The following PCDHA11 variants were observed in gnomAD, a reference collection of about 807,000 sequenced individuals.
The protein encoded by PCDHA11 is protocadherin alpha 11.
In PCDHA11, 61 loss-of-function variants were observed where a neutral mutation model predicts 70.3. The ratio of observed to expected loss-of-function variants is 0.87; its 90% CI spans 0.71 to 1.07. PCDHA11 has a LOEUF of 1.07. Ranked by LOEUF, PCDHA11 falls within the 50% of genes least tolerant of loss-of-function variation. PCDHA11 has a pLI of 0.00. For missense variants in PCDHA11, 1,324 were observed against 1,237.5 expected (o/e 1.07, Z -1.05); for synonymous variants, 633 against 555.1 (o/e 1.14, Z -1.97).
intron 1 of PCDHA11, among the ~76,000 whole-genome samples, chr5:140,871,887 G>T (rs1294459270): frequency 6.6e-6 from 1 of 152,170 alleles, no homozygotes; most frequent in Non-Finnish European, 1.5e-5. Flanking sequence ...GCTCCTCTTT[G>T]TCTTTTAGCA....
At chr5:140,917,287 G>A (rs190210744) in intron 1 of PCDHA11, among the ~76,000 whole-genome samples, 51 of 147,686 alleles carry the variant, frequency 3.5e-4, no homozygotes, top group Admixed American at 7.7e-4. Flanking sequence ...ACGCTTTTCC[G>A]TGTGCAGATA....
intron 1 of PCDHA11, among the ~76,000 whole-genome samples, chr5:140,913,572 TCAAA>T (rs150264547): frequency 6.6e-6 from 1 of 152,264 alleles, no homozygotes; most frequent in East Asian, 1.9e-4. Context: ...TTTCATCATT[TCAAA>T]TATATTTCTG....
At chr5:140,931,547 T>C (rs2087587732) in intron 1 of PCDHA11, among the ~76,000 whole-genome samples, 1 of 152,064 alleles carries the variant, frequency 6.6e-6, no homozygotes, top group Admixed American at 6.5e-5. Flanking sequence ...ACTGTTCATA[T>C]GTGCAGGAAT....
At chr5:141,000,210 A>G (rs1475631796) in intron 3 of PCDHA11, among the ~76,000 whole-genome samples, 3 of 151,622 alleles carry the variant, frequency 2.0e-5, no homozygotes, top group Non-Finnish European at 2.9e-5. Context: ...CACCTTCATT[A>G]TCAAATGCCT....
intron 1 of PCDHA11, among the ~76,000 whole-genome samples, chr5:140,915,168 C>T (rs181934284): frequency 6.0e-4 from 92 of 152,112 alleles, no homozygotes; most frequent in Middle Eastern, 3.4e-3. Context: ...AGGATAGTCT[C>T]GATCTCTTGA....
intron 1 of PCDHA11, among the ~76,000 whole-genome samples, chr5:140,916,847 C>T (rs1276107761): frequency 1.3e-5 from 2 of 152,116 alleles, no homozygotes; most frequent in Non-Finnish European, 2.9e-5. Flanking sequence ...GAGCCCAGCC[C>T]AGCACTAGGA....
chr5:140,880,747 T>C (rs555658670), intron 1 of PCDHA11, among the ~76,000 whole-genome samples: 16 of 152,334 alleles, frequency 1.1e-4, no homozygotes, highest in African/African-American at 3.8e-4. Context: ...GGATTGTCAG[T>C]GTAACTGCGT....
intron 1 of PCDHA11, among the ~76,000 whole-genome samples, chr5:140,897,071 A>AT (rs1433909021): frequency 3.3e-5 from 5 of 151,872 alleles, no homozygotes; most frequent in African/African-American, 1.2e-4. Flanking sequence ...TGTCTTATTC[A>AT]TTTTTTCTAT....
intron 1 of PCDHA11, among the ~76,000 whole-genome samples, chr5:140,974,660 C>T (rs529524485): frequency 2.6e-5 from 4 of 152,116 alleles, no homozygotes; most frequent in South Asian, 2.1e-4. Flanking sequence ...TACAGGCATG[C>T]GCCACCATGC....
At chr5:140,876,602 G>C (rs572945874) in intron 1 of PCDHA11, 2 of 1,614,180 alleles carry the variant, frequency 1.2e-6, no homozygotes, top group Non-Finnish European at 1.7e-6. Flanking sequence ...GTGTCGGATC[G>C]TGACTCTGGA....
intron 3 of PCDHA11, among the ~76,000 whole-genome samples, chr5:140,990,224 G>A (rs1368393390): frequency 6.6e-6 from 1 of 152,160 alleles, no homozygotes; most frequent in South Asian, 2.1e-4. Flanking sequence ...GAAGTTTATT[G>A]TAACTAGCGT....
intron 1 of PCDHA11, among the ~76,000 whole-genome samples, chr5:140,896,345 C>T (rs113477424): frequency 0.12 from 18,881 of 152,098 alleles, 1,242 homozygotes; most frequent in Middle Eastern, 0.19. Flanking sequence ...TTTATATTCC[C>T]GCCAGCAGTG....
At chr5:140,900,079 C>T (rs1289822790) in intron 1 of PCDHA11, among the ~76,000 whole-genome samples, 11 of 152,066 alleles carry the variant, frequency 7.2e-5, no homozygotes, top group East Asian at 3.9e-4. Context: ...AAAAGTGCTG[C>T]AGTTACAAGC....
intron 1 of PCDHA11, among the ~76,000 whole-genome samples, chr5:140,950,741 C>A (rs149114023): frequency 1.3e-5 from 2 of 152,006 alleles, no homozygotes; most frequent in African/African-American, 4.8e-5. Flanking sequence ...ATCCTAATTT[C>A]TCTCTATCCT....
intron 3 of PCDHA11, among the ~76,000 whole-genome samples, chr5:140,989,670 C>G (rs907417768): frequency 6.6e-6 from 1 of 152,104 alleles, no homozygotes. Flanking sequence ...GAAACTCTGC[C>G]CAGATTTCAA....
chr5:140,969,110 C>T (rs1380719565), intron 1 of PCDHA11: 5 of 1,614,064 alleles, frequency 3.1e-6, no homozygotes, highest in Non-Finnish European at 3.4e-6. Flanking sequence ...CATTGAAGTT[C>T]GAGGGAATGG....
chr5:140,871,919 A>G (rs1434717967), intron 1 of PCDHA11, among the ~76,000 whole-genome samples: 1 of 152,216 alleles, frequency 6.6e-6, no homozygotes, highest in African/African-American at 2.4e-5. Context: ...TGATATTTCC[A>G]CATTGTTAGA....
In PCDHA11 at chr5:141,010,190, C is replaced by T. The variant is rs868983471; in HGVS notation, c.*253C>T. On this transcript the variant is annotated 3_prime_UTR_variant, in exon 4 of 4. Coordinates refer to ENST00000398640, the MANE Select transcript of PCDHA11 (RefSeq NM_018902.5). ...GAACCTAAAAAGCAGACCCAAGTTT[C>T]CTTTCTCCTCCGCCGCAAAGGAGAG... The T allele has an allele frequency of 6.4e-7, 1 of 1,552,504 alleles. No homozygotes were observed. Among genetic ancestry groups the T allele is most frequent in the Non-Finnish European group, 8.7e-7 (1 of 1,147,234 alleles).
chr5:140,893,709 G>T lies in PCDHA11; in HGVS notation c.2391+22215G>T, dbSNP rs141117049. ...ATCTCATTCTATCCTAGCCTGTAAA[G>T]CTTCTGCTGAGAAATCTGCTGTTAG... is the stretch of plus-strand genomic sequence containing the variant. On this transcript the variant is annotated intron_variant, in intron 1 of 3. Transcript: ENST00000398640. 2.6e-3 allele frequency among the ~76,000 whole-genome samples: 396 copies of T among 152,250 alleles called. 2 individuals carry two copies. Among genetic ancestry groups the T allele is most frequent in the African/African-American group, 9.2e-3 (384 of 41,542 alleles).
Sources: allele counts gnomAD v4.1 joint callset (sites outside exome capture counted in the v4.1 genomes callset), GRCh38; gene constraint gnomAD v4.1.1; transcripts MANE v1.5; gene names NCBI Gene and HGNC (gene_info 2026-07-23, HGNC 2026-07-21).